The following TMEM178B variants were observed in gnomAD, a reference collection of about 807,000 sequenced individuals.
TMEM178B encodes transmembrane protein 178B.
A neutral mutation model predicts 31.0 loss-of-function variants in TMEM178B; 5 were observed. That is an observed-to-expected ratio of 0.16 (90% confidence interval 0.08 to 0.34). The LOEUF (loss-of-function observed/expected upper bound fraction) is 0.34. TMEM178B is among the 10% of genes least tolerant of loss of function. The probability of loss-of-function intolerance (pLI) is 1.00; values close to 1 mark genes in which losing one functional copy is unlikely to be tolerated. For synonymous variants in TMEM178B, 164 were observed against 164.0 expected (o/e 1.00, Z 0.00); for missense variants, 275 against 400.3 (o/e 0.69, Z 2.67).
At chr7:141,213,867 C>T (rs1020930849) in intron 2 of TMEM178B, among the ~76,000 whole-genome samples, 7 of 152,166 alleles carry the variant, frequency 4.6e-5, no homozygotes, top group African/African-American at 1.7e-4. Flanking sequence ...TACTCCTGGC[C>T]TGAAATGATA....
At chr7:141,130,243 T>G (rs1218910156) in intron 1 of TMEM178B, among the ~76,000 whole-genome samples, 1 of 152,208 alleles carries the variant, frequency 6.6e-6, no homozygotes, top group Non-Finnish European at 1.5e-5. Context: ...ATGTAGATTT[T>G]CTTCTTTGTC....
chr7:141,438,764 C>T (rs1801601189), intron 3 of TMEM178B, among the ~76,000 whole-genome samples: 1 of 143,244 alleles, frequency 7.0e-6, no homozygotes, highest in Middle Eastern at 3.8e-3. Context: ...TAGTCCCAGC[C>T]ACTTGGGAGG....
chr7:141,351,887 GAA>G (rs1563159541), intron 2 of TMEM178B: 1 of 152,310 alleles, frequency 6.6e-6, no homozygotes, highest in Non-Finnish European at 1.5e-5. Context: ...AAAGAAATAA[GAA>G]AGAGACTTGA....
chr7:141,154,731 CTTT>C (rs377268150), intron 1 of TMEM178B, among the ~76,000 whole-genome samples: 3 of 141,178 alleles, frequency 2.1e-5, no homozygotes, highest in African/African-American at 2.6e-5. Context: ...AACTTGTTAA[CTTT>C]TTTTTTTTTT....
intron 2 of TMEM178B, among the ~76,000 whole-genome samples, chr7:141,266,548 G>A (rs538512021): frequency 3.3e-5 from 5 of 152,270 alleles, no homozygotes; most frequent in African/African-American, 1.2e-4. Flanking sequence ...GAGTAACAAA[G>A]GTGTGGTTCC....
At chr7:141,091,620 C>T (rs573553883) in intron 1 of TMEM178B, among the ~76,000 whole-genome samples, 1 of 152,166 alleles carries the variant, frequency 6.6e-6, no homozygotes, top group African/African-American at 2.4e-5. Flanking sequence ...TAGATTGTCT[C>T]CAGGTAGTGA....
Position 141,344,811 on chromosome 7 carries a change from G to A in TMEM178B, c.497-92797G>A, listed in dbSNP as rs1036187881. On this transcript the variant is annotated intron_variant, in intron 2 of 3. Coordinates refer to ENST00000565468, the MANE Select transcript of TMEM178B (RefSeq NM_001195278.2). The surrounding 1 kb of genome is among the most constrained non-coding windows in gnomAD (Gnocchi z 4.1). ...ATTTCAAACTTTTGGAACTCAGAAC[G>A]AGCTGTCTGTTAACTGTGGCTCTGC... 5.9e-5 allele frequency among the ~76,000 whole-genome samples: 9 copies of A among 152,176 alleles called. No individual in the cohort carries two copies. The highest frequency in any genetic ancestry group is 2.2e-4 in the African/African-American group (9 of 41,442).
chr7:141,309,881 CTT>C (rs1229363201), intron 2 of TMEM178B, among the ~76,000 whole-genome samples: 25 of 152,242 alleles, frequency 1.6e-4, no homozygotes, highest in East Asian at 1.4e-3. Context: ...TAGCTGTTAT[CTT>C]TAAAAAATGT....
intron 2 of TMEM178B, among the ~76,000 whole-genome samples, chr7:141,255,513 AC>A (rs1797912545): frequency 6.6e-6 from 1 of 152,268 alleles, no homozygotes; most frequent in South Asian, 2.1e-4. Flanking sequence ...AAACCTAGTT[AC>A]CACTTACTAT....
chr7:141,261,377 A>C (rs1286550788), intron 2 of TMEM178B, among the ~76,000 whole-genome samples: 1 of 151,886 alleles, frequency 6.6e-6, no homozygotes, highest in Non-Finnish European at 1.5e-5. Context: ...GTTGAAATCT[A>C]GGTGAGGGCT....
chr7:141,383,164 C>CTT (rs891921673), intron 2 of TMEM178B, among the ~76,000 whole-genome samples: 1 of 104,270 alleles, frequency 9.6e-6, no homozygotes, highest in Non-Finnish European at 2.1e-5. Context: ...TTCTTTCTTT[C>CTT]TTTTTTTTTA....
chr7:141,223,636 G>A (rs1388216470), intron 2 of TMEM178B, among the ~76,000 whole-genome samples: 1 of 152,058 alleles, frequency 6.6e-6, no homozygotes, highest in African/African-American at 2.4e-5. Flanking sequence ...AGTTCTGGGA[G>A]TTTGGGGGTG....
intron 2 of TMEM178B, among the ~76,000 whole-genome samples, chr7:141,278,657 G>A (rs918815979): frequency 6.6e-6 from 1 of 152,088 alleles, no homozygotes; most frequent in Non-Finnish European, 1.5e-5. Flanking sequence ...GGGAAGTGAA[G>A]GGTCTAGAAA....
At chr7:141,128,731 A>G (rs1795546092) in intron 1 of TMEM178B, among the ~76,000 whole-genome samples, 1 of 152,126 alleles carries the variant, frequency 6.6e-6, no homozygotes, top group Non-Finnish European at 1.5e-5. Flanking sequence ...CCTGATTCCC[A>G]CATCACTTCT....
At chr7:141,091,356 A>G (rs1412457330) in intron 1 of TMEM178B, among the ~76,000 whole-genome samples, 1 of 152,158 alleles carries the variant, frequency 6.6e-6, no homozygotes, top group East Asian at 1.9e-4. Flanking sequence ...CTCTTGTTAT[A>G]TATATATTTA....
chr7:141,292,509 A>G (rs1333692114), intron 2 of TMEM178B, among the ~76,000 whole-genome samples: 3 of 152,068 alleles, frequency 2.0e-5, no homozygotes, highest in Non-Finnish European at 4.4e-5. Flanking sequence ...CAGCCCACAC[A>G]TGTCCTGAAA....
chr7:141,310,830 T>C (rs570338458), intron 2 of TMEM178B, among the ~76,000 whole-genome samples: 2 of 152,302 alleles, frequency 1.3e-5, no homozygotes, highest in Non-Finnish European at 2.9e-5. Context: ...AATCATTCTA[T>C]TATAAAGATA....
intron 2 of TMEM178B, among the ~76,000 whole-genome samples, chr7:141,342,264 A>C (rs951596649): frequency 6.6e-6 from 1 of 152,230 alleles, no homozygotes; most frequent in Non-Finnish European, 1.5e-5. Flanking sequence ...ACTTATAAGC[A>C]AAGTGTTGAA....
At chr7:141,327,699 G>T (rs184242810) in intron 2 of TMEM178B, among the ~76,000 whole-genome samples, 216 of 152,256 alleles carry the variant, frequency 1.4e-3, no homozygotes, top group Non-Finnish European at 2.2e-3. Context: ...GAGGTGTTTA[G>T]GTCATAAAGG....
Sources: allele counts gnomAD v4.1 joint callset (sites outside exome capture counted in the v4.1 genomes callset), GRCh38; gene constraint gnomAD v4.1.1; non-coding constraint Gnocchi (gnomAD v3.1); transcripts MANE v1.5; gene names NCBI Gene and HGNC (gene_info 2026-07-23, HGNC 2026-07-21).